Variants in NEK3 observed in about 807,000 individuals in gnomAD.
NEK3 encodes the protein serine/threonine-protein kinase Nek3.
Under a neutral mutation model 66.0 loss-of-function variants are expected in NEK3, and 54 were observed. That is an observed-to-expected ratio of 0.82 (90% CI 0.66 to 1.03). The LOEUF (loss-of-function observed/expected upper bound fraction) is 1.03. Ranked by LOEUF, NEK3 falls within the 50% of genes least tolerant of loss-of-function variation. NEK3 has a pLI of 0.00. For missense variants in NEK3, 593 were observed against 603.0 expected, an observed-to-expected ratio of 0.98 and a Z score of 0.17; for synonymous variants, 200 against 206.2, an observed-to-expected ratio of 0.97 and a Z score of 0.26.
Position 52,148,426 on chromosome 13 carries a change from G to T in NEK3, c.592C>A (p.Leu198Ile). The change falls in exon 8 of 16, where the codon CTT (leucine) becomes ATT (isoleucine). Residue 198 changes from leucine (L) to isoleucine (I), a missense_variant. Leu to Ile is a conservative substitution (Grantham distance 5). Coordinates refer to ENST00000610828, the MANE Select transcript of NEK3 (RefSeq NM_002498.3). ...CACGCCATACTTACTGGATGCTTAA[G>T]GGTACAGAGTTCATACAGGATGCAA... is the stretch of plus-strand genomic sequence containing the variant. ...LGCILYELCT[L>I]KHPFQANSWK... 6.2e-7 allele frequency: 1 copy of T among 1,613,032 alleles called. No homozygotes were observed.
chr13:52,152,731 T>A, intron 4 of NEK3, 39 bp from the exon 5 acceptor site: 1 of 1,316,218 alleles, frequency 7.6e-7, no homozygotes, highest in Non-Finnish European at 1.1e-6. Context: ...AAGAATGCAG[T>A]AACTGGCTCA....
chr13:52,143,863 A>T, intron 10 of NEK3, 52 bp downstream of exon 10: 1 of 862,430 alleles, frequency 1.2e-6, no homozygotes, highest in Non-Finnish European at 1.9e-6. Flanking sequence ...TTTCTGTTAC[A>T]GTATATTTTT....
chr13:52,135,210 T>C (rs1475951723), intron 14 of NEK3, among the ~76,000 whole-genome samples: 1 of 152,140 alleles, frequency 6.6e-6, no homozygotes, highest in Non-Finnish European at 1.5e-5. Context: ...TGTAAAAAAA[T>C]TTAAAAATCA....
intron 14 of NEK3, 63 bp from the exon 15 acceptor site, chr13:52,133,878 T>C: frequency 6.6e-7 from 1 of 1,508,106 alleles, no homozygotes; most frequent in Non-Finnish European, 9.0e-7. Context: ...TCATGCAGTT[T>C]GATTAAAATC....
chr13:52,153,310 A>G (rs1956362633), intron 4 of NEK3, among the ~76,000 whole-genome samples: 1 of 152,160 alleles, frequency 6.6e-6, no homozygotes, highest in Non-Finnish European at 1.5e-5. Context: ...TAGTTTCTAA[A>G]TGAATAATAT....
At chr13:52,150,695 TG>T (rs1423369444) in intron 7 of NEK3, among the ~76,000 whole-genome samples, 2 of 152,130 alleles carry the variant, frequency 1.3e-5, no homozygotes, top group African/African-American at 4.8e-5. Flanking sequence ...ACCAACTCAA[TG>T]ACACAATCTA....
intron 12 of NEK3, among the ~76,000 whole-genome samples, chr13:52,136,552 C>T (rs1956207992): frequency 6.6e-6 from 1 of 152,068 alleles, no homozygotes; most frequent in South Asian, 2.1e-4. Flanking sequence ...TACATACACA[C>T]AGTATGCTAT....
chr13:52,147,258 C>T (rs542381666), intron 8 of NEK3, among the ~76,000 whole-genome samples: 1 of 152,306 alleles, frequency 6.6e-6, no homozygotes, highest in Non-Finnish European at 1.5e-5. Flanking sequence ...TATGACCCAG[C>T]AGTTCCACTG....
intron 8 of NEK3, 82 bp from the exon 9 acceptor site, chr13:52,144,973 A>G: frequency 1.1e-6 from 1 of 928,856 alleles, no homozygotes; most frequent in African/African-American, 1.7e-5. Context: ...AAATTATTCT[A>G]ATTTTATAAA....
At chr13:52,146,357 T>C (rs976598120) in intron 8 of NEK3, among the ~76,000 whole-genome samples, 2 of 152,138 alleles carry the variant, frequency 1.3e-5, no homozygotes, top group Admixed American at 6.5e-5. Flanking sequence ...TAATGACAAA[T>C]ACTACTGAAT....
At chr13:52,134,193 G>A (rs1023200365) in intron 14 of NEK3, among the ~76,000 whole-genome samples, 13 of 152,030 alleles carry the variant, frequency 8.6e-5, no homozygotes, top group Non-Finnish European at 1.6e-4. Context: ...ACCATGCCTG[G>A]CTAATTTTTT....
chr13:52,136,734 A>AT, intron 12 of NEK3, 66 bp downstream of exon 12: 1 of 905,316 alleles, frequency 1.1e-6, no homozygotes, highest in Non-Finnish European at 1.7e-6. Flanking sequence ...TCTGAGACCT[A>AT]GTAACATAAA....
chr13:52,137,486 T>G (rs2408610), intron 11 of NEK3, among the ~76,000 whole-genome samples: 25,016 of 152,144 alleles, frequency 0.16, 2,554 homozygotes, highest in East Asian at 0.33. Context: ...TCTCAAATAT[T>G]TATTGAATGA....
rs1390229284 is a variant in NEK3 at position 52,144,760 on chromosome 13, G to A, written c.735C>T (p.Arg245=). Residue 245 remains arginine (R), a synonymous_variant, in exon 9 of 16, where the codon CGC becomes CGT. Coordinates refer to ENST00000610828, the MANE Select transcript of NEK3 (RefSeq NM_002498.3). The part of the protein sequence containing the change: ...KQMFKRNPSH[R]PSATTLLSRG... ...GAGAGAGAAGCGTTGTAGCCGAGGG[G>A]CGATGTGAGGGATTCCTTTTAAACA... is the stretch of plus-strand genomic sequence containing the variant. 4 of 1,613,870 alleles carry A rather than the reference G, an allele frequency of 2.5e-6. No homozygotes were observed. The African/African-American group carries it at 4.0e-5, about 16-fold the overall frequency.
intron 9 of NEK3, 50 bp downstream of exon 9, chr13:52,144,641 T>C: frequency 1.4e-6 from 2 of 1,449,164 alleles, no homozygotes; most frequent in Non-Finnish European, 1.9e-6. Context: ...AACAAACCAT[T>C]TTACCATACA....
rs758373819 is a variant in NEK3 at position 52,143,931 on chromosome 13, G to A, written c.861C>T (p.Asn287=). 7 of 1,489,432 alleles carry A rather than the reference G, an allele frequency of 4.7e-6. No homozygotes were observed. In the African/African-American group the frequency reaches 8.4e-5, roughly 18 times the overall value. The allele number at this position is 1,489,432 out of a possible 1,614,324, so 92.3% of individuals were successfully genotyped here. A position where few individuals can be genotyped will look rare whatever the true frequency, so the allele number is the denominator to read the frequency against. The stretch of plus-strand genomic sequence containing the variant: ...AATTCTTACTTTTTTTTCTTGGTGT[G>A]TTATGCTTCGAATTTTTTATTTCTT... ...VLEEIKNSKH[N]TPRKKTNPSR... Residue 287 remains asparagine, a synonymous_variant, in exon 10 of 16, where the codon AAC becomes AAT. Coordinates refer to ENST00000610828, the MANE Select transcript of NEK3 (RefSeq NM_002498.3).
At chr13:52,133,530 A>G (rs547511032) in intron 15 of NEK3, among the ~76,000 whole-genome samples, 159 bp downstream of exon 15, 35 of 152,200 alleles carry the variant, frequency 2.3e-4, no homozygotes, top group African/African-American at 8.2e-4. Flanking sequence ...CCCAGACAAA[A>G]GATCAGGATA....
At chr13:52,148,250 T>C (rs1280667430) in intron 8 of NEK3, 165 bp downstream of exon 8, 2 of 527,672 alleles carry the variant, frequency 3.8e-6, no homozygotes, top group East Asian at 2.8e-5. Context: ...CCTATTAGTA[T>C]ATGCTACAAA....
intron 10 of NEK3, among the ~76,000 whole-genome samples, chr13:52,143,104 G>C (rs1956264446): frequency 6.6e-6 from 1 of 152,062 alleles, no homozygotes; most frequent in African/African-American, 2.4e-5. Flanking sequence ...ATCACCTGAG[G>C]TCAGGAGTTC....
Sources: gnomAD v4.1 joint callset for allele counts (sites outside exome capture counted in the v4.1 genomes callset) on GRCh38, gnomAD v4.1.1 for gene constraint, MANE v1.5 for transcripts, NCBI Gene and HGNC (gene_info 2026-07-23, HGNC 2026-07-21) for gene names.